SLMAP: variants seen among roughly 807,000 people sequenced by gnomAD.
SLMAP encodes sarcolemma associated protein, also known as sarcolemmal membrane-associated protein.
A neutral mutation model predicts 128.8 loss-of-function variants in SLMAP; 44 were observed. The ratio of observed to expected loss-of-function variants is 0.34; its 90% CI spans 0.27 to 0.44. The LOEUF is 0.44. SLMAP is among the 20% of genes least tolerant of loss of function. SLMAP has a pLI of 1.00. For synonymous variants in SLMAP, 327 were observed against 348.8 expected, an observed-to-expected ratio of 0.94 and a Z score of 0.70; for missense variants, 787 against 985.3, an observed-to-expected ratio of 0.80 and a Z score of 2.69.
At chr3:57,844,711 C>CG (rs2094154656) in intron 4 of SLMAP, among the ~76,000 whole-genome samples, 1 of 92,280 alleles carries the variant, frequency 1.1e-5, no homozygotes, top group Non-Finnish European at 2.1e-5. Context: ...TCTATTTAGA[C>CG]TTTTTTTTTT....
At chr3:57,867,725 AT>A (rs1277839291) in intron 13 of SLMAP, among the ~76,000 whole-genome samples, 1 of 152,210 alleles carries the variant, frequency 6.6e-6, no homozygotes, top group Non-Finnish European at 1.5e-5. Flanking sequence ...TACCCATATT[AT>A]ATAATTTTAA....
At chr3:57,854,696 G>A (rs2094685505) in intron 6 of SLMAP, among the ~76,000 whole-genome samples, 1 of 152,118 alleles carries the variant, frequency 6.6e-6, no homozygotes, top group African/African-American at 2.4e-5. Flanking sequence ...GTGCAATTAA[G>A]CCATTATAAA....
intron 2 of SLMAP, among the ~76,000 whole-genome samples, chr3:57,795,674 T>C (rs6775340): frequency 0.31 from 47,114 of 152,068 alleles, 7,642 homozygotes; most frequent in East Asian, 0.48. Context: ...TGTGGTAAAA[T>C]ATGCATAACA....
intron 13 of SLMAP, among the ~76,000 whole-genome samples, chr3:57,867,993 G>T (rs1012907117): frequency 1.3e-5 from 2 of 152,124 alleles, no homozygotes; most frequent in African/African-American, 4.8e-5. Flanking sequence ...GGGTGTGGTG[G>T]CTCACACCTA....
At chr3:57,852,889 A>G (rs184913016) in intron 6 of SLMAP, among the ~76,000 whole-genome samples, 1 of 152,236 alleles carries the variant, frequency 6.6e-6, no homozygotes, top group African/African-American at 2.4e-5. Context: ...AGATAAAATT[A>G]TACCAGTCTT....
At chr3:57,843,775 C>CTTTTCTTTCT (rs2094095617) in intron 4 of SLMAP, among the ~76,000 whole-genome samples, 1 of 77,126 alleles carries the variant, frequency 1.3e-5, no homozygotes. Context: ...TCTTTTCTTT[C>CTTTTCTTTCT]TTTTTTTTTT....
chr3:57,828,102 C>T lies in SLMAP; in HGVS notation c.199-3281C>T, dbSNP rs537618336. The stretch of plus-strand genomic sequence containing the variant: ...GCCGCCGAGTAGCTGGGATAACAGG[C>T]GTGCACCACCATGCCCAGCTAATTT... On this transcript the variant is annotated intron_variant, in intron 2 of 24. Coordinates refer to ENST00000671191, the MANE Select transcript of SLMAP (RefSeq NM_001377540.1). Among the ~76,000 whole-genome samples the T allele has an allele frequency of 3.3e-5, 5 of 152,276 alleles. No homozygotes were observed. The East Asian group carries it at 5.8e-4, about 18-fold the overall frequency.
intron 6 of SLMAP, among the ~76,000 whole-genome samples, chr3:57,851,635 G>C (rs1332943880): frequency 1.3e-5 from 2 of 151,864 alleles, no homozygotes; most frequent in African/African-American, 4.8e-5. Flanking sequence ...ACCACACCTG[G>C]CTAATTTTTT....
intron 21 of SLMAP, among the ~76,000 whole-genome samples, chr3:57,914,887 T>C (rs953106416): frequency 2.0e-5 from 2 of 101,672 alleles, no homozygotes; most frequent in Non-Finnish European, 4.3e-5. Flanking sequence ...CAACTCATAA[T>C]TTTTTTTTTT....
At chr3:57,914,208 C>T (rs1461478513) in intron 21 of SLMAP, among the ~76,000 whole-genome samples, 2 of 151,916 alleles carry the variant, frequency 1.3e-5, no homozygotes, top group Non-Finnish European at 2.9e-5. Flanking sequence ...GGGTTTATTC[C>T]GGCCGGGTGT....
chr3:57,865,177 C>T lies in SLMAP; in HGVS notation c.1187-65C>T, dbSNP rs2095262661. On this transcript the variant is annotated intron_variant, in intron 12 of 24. Transcript: ENST00000671191. Reference sequence around the variant, plus strand: ...TTAGGAATGCAGAATGCCATGGTTACACTTGAGACCACATTTAAAGTAATA... The same window carrying T: ...TTAGGAATGCAGAATGCCATGGTTATACTTGAGACCACATTTAAAGTAATA... 6 of 850,662 alleles carry T rather than the reference C, an allele frequency of 7.1e-6. No homozygotes were observed. In the South Asian group the frequency reaches 8.8e-5, roughly 13 times the overall value. The allele number at this position is 850,662 out of a possible 1,614,324, so 52.7% of individuals were successfully genotyped here. A position where few individuals can be genotyped will look rare whatever the true frequency, so the allele number is the denominator to read the frequency against.
intron 19 of SLMAP, 78 bp downstream of exon 19, chr3:57,909,228 C>T (rs1298010523): frequency 2.4e-5 from 25 of 1,026,054 alleles, no homozygotes; most frequent in Non-Finnish European, 3.5e-5. Flanking sequence ...GGAGGCCAGG[C>T]GCAGTGGCTC....
At chr3:57,769,200 A>T (rs995513179) in intron 2 of SLMAP, among the ~76,000 whole-genome samples, 2 of 148,258 alleles carry the variant, frequency 1.3e-5, no homozygotes, top group East Asian at 3.9e-4. Context: ...ATTTTATTTT[A>T]TTTTTTTTTT....
intron 3 of SLMAP, among the ~76,000 whole-genome samples, chr3:57,834,393 A>G (rs75999985): frequency 6.6e-6 from 1 of 152,136 alleles, no homozygotes; most frequent in Non-Finnish European, 1.5e-5. Flanking sequence ...AATATACAAG[A>G]TGAGAAATGA....
intron 14 of SLMAP, among the ~76,000 whole-genome samples, chr3:57,883,714 A>G (rs191421777): frequency 6.6e-6 from 1 of 152,250 alleles, no homozygotes; most frequent in African/African-American, 2.4e-5. Context: ...TGTGAAACAT[A>G]CAATTGAGTA....
intron 2 of SLMAP, among the ~76,000 whole-genome samples, chr3:57,818,364 A>G (rs1475599047): frequency 6.6e-6 from 1 of 152,174 alleles, no homozygotes; most frequent in Admixed American, 6.5e-5. Flanking sequence ...CATGTTGGTC[A>G]GGCTGGTCTC....
chr3:57,847,328 CTT>C (rs1341182342), intron 5 of SLMAP, 95 bp downstream of exon 5: 1 of 880,390 alleles, frequency 1.1e-6, no homozygotes, highest in Non-Finnish European at 1.9e-6. Flanking sequence ...ATTTATTTCT[CTT>C]TTATAACAAA....
Position 57,907,891 on chromosome 3 carries a change from G to A in SLMAP, c.1509G>A (p.Leu503=). 1 of 1,613,268 alleles carries A rather than the reference G, an allele frequency of 6.2e-7. No homozygotes were observed. Among genetic ancestry groups the A allele is most frequent in the Non-Finnish European group, 8.5e-7 (1 of 1,179,542 alleles). Residue 503 remains leucine, a synonymous_variant, in exon 18 of 25, where the codon TTG becomes TTA. Coordinates refer to ENST00000671191, the MANE Select transcript of SLMAP (RefSeq NM_001377540.1). ...LAKVSLLKDD[L]QGAQSEIEAK... is the part of the protein sequence containing the mutation. ...TAAACATGTTTTTGTCAGATGACTT[G>A]CAGGGTGCACAGTCAGAAATTGAGG...
chr3:57,924,180 G>A (rs1169820866), intron 23 of SLMAP, among the ~76,000 whole-genome samples: 1 of 152,000 alleles, frequency 6.6e-6, no homozygotes, highest in Non-Finnish European at 1.5e-5. Flanking sequence ...AAGTAACTTT[G>A]CTATTATTAT....
Sources: allele counts gnomAD v4.1 joint callset (sites outside exome capture counted in the v4.1 genomes callset), GRCh38; gene constraint gnomAD v4.1.1; transcripts MANE v1.5; gene names NCBI Gene and HGNC (gene_info 2026-07-23, HGNC 2026-07-21).